Variants in UGGT1 observed in about 807,000 individuals in gnomAD.
UGGT1 encodes the protein UDP-glucose glycoprotein glucosyltransferase 1.
A neutral mutation model predicts 203.9 loss-of-function variants in UGGT1; 107 were observed. That is an observed-to-expected ratio of 0.52 (90% CI 0.45 to 0.62). UGGT1 has a LOEUF of 0.62. Among genes scored for constraint, UGGT1 ranks in the 20% least tolerant of loss-of-function variants. The pLI is 0.00. For synonymous variants in UGGT1, 628 were observed against 653.5 expected (o/e 0.96, Z 0.59); for missense variants, 1,673 against 1,867.2 (o/e 0.90, Z 1.92).
intron 25 of UGGT1, among the ~76,000 whole-genome samples, chr2:128,163,723 A>AG (rs1190684064): frequency 6.6e-6 from 1 of 152,036 alleles, no homozygotes; most frequent in Non-Finnish European, 1.5e-5. Context: ...CAAAAAAAAA[A>AG]AAATTAATTT....
chr2:128,175,815 T>G (rs2104798038), intron 31 of UGGT1, among the ~76,000 whole-genome samples: 1 of 152,302 alleles, frequency 6.6e-6, no homozygotes, highest in South Asian at 2.1e-4. Context: ...CATTAGAATC[T>G]TCCTTTGCCT....
intron 3 of UGGT1, among the ~76,000 whole-genome samples, chr2:128,104,481 T>C (rs956119680): frequency 3.3e-5 from 5 of 152,242 alleles, no homozygotes; most frequent in African/African-American, 1.2e-4. Flanking sequence ...AATGAATGAT[T>C]ATCCTGTAAA....
At chr2:128,113,369 CT>C in intron 6 of UGGT1, 111 bp downstream of exon 6, 2 of 935,810 alleles carry the variant, frequency 2.1e-6, no homozygotes, top group Non-Finnish European at 3.0e-6. Flanking sequence ...ATTTGAATCC[CT>C]TTTTTGACAA....
At position 128,134,939 on chromosome 2, in the gene UGGT1, C is replaced by G. The variant is rs776577676; in HGVS notation, c.1561C>G (p.Leu521Val). Residue 521 changes from leucine to valine, a missense_variant, in exon 15 of 41, where the codon CTT (leucine) becomes GTT (valine). Around this residue, in one of 4 missense-constraint regions of UGGT1, gnomAD observed 1,073 missense variants for 1,078.7 expected, o/e 0.99. Coordinates refer to ENST00000259253, the MANE Select transcript of UGGT1 (RefSeq NM_020120.4). ...GTTGATGAACACAGCTGAGATGTTC[C>G]TTAGTAATCATATACCACTAAGGTA... is the stretch of plus-strand genomic sequence containing the variant. The part of the protein sequence containing the change: ...AELMNTAEMF[L>V]SNHIPLRIGF... The G allele has an allele frequency of 8.1e-6, 13 of 1,613,732 alleles. No individual in the cohort carries two copies. In the South Asian group the frequency reaches 1.4e-4, roughly 18 times the overall value.
At chr2:128,100,762 TC>T (rs1292779768) in intron 2 of UGGT1, among the ~76,000 whole-genome samples, 3 of 152,160 alleles carry the variant, frequency 2.0e-5, no homozygotes, top group Non-Finnish European at 4.4e-5. Context: ...TTTGTTACTT[TC>T]ACTTTTATTT....
chr2:128,155,384 C>T (rs938842825), intron 19 of UGGT1, 105 bp from the exon 20 acceptor site: 36 of 818,362 alleles, frequency 4.4e-5, no homozygotes, highest in South Asian at 3.9e-4. Context: ...ACTTCACTCA[C>T]GCATTTCTAT....
intron 16 of UGGT1, chr2:128,140,368 G>A (rs1573559336): frequency 6.5e-6 from 1 of 153,168 alleles, no homozygotes; most frequent in South Asian, 2.1e-4. Flanking sequence ...CATCTAGTAG[G>A]AGAACTTGTC....
chr2:128,099,465 A>G (rs1346105733), intron 2 of UGGT1, among the ~76,000 whole-genome samples: 1 of 152,066 alleles, frequency 6.6e-6, no homozygotes, highest in African/African-American at 2.4e-5. Context: ...GTATTCTAAC[A>G]TTTTCCCCTT....
At position 128,129,025 on chromosome 2, in the gene UGGT1, C is replaced by T; in HGVS notation, c.1227-4C>T. The T allele has an allele frequency of 1.3e-6, 2 of 1,560,816 alleles. No individual in the cohort carries two copies. The highest frequency in any genetic ancestry group is 1.7e-6 in the Non-Finnish European group (2 of 1,159,544). On this transcript the variant is annotated splice_region_variant and splice_polypyrimidine_tract_variant and intron_variant, in intron 12 of 40. Coordinates refer to ENST00000259253, the MANE Select transcript of UGGT1 (RefSeq NM_020120.4). ...TAAATATCTCTTTTTGTTTTTCCCC[C>T]CAGTCTGTTTGATGTGTTGAGGAAT... is the stretch of plus-strand genomic sequence containing the variant.
At chr2:128,098,817 G>A (rs1406510475) in intron 2 of UGGT1, among the ~76,000 whole-genome samples, 1 of 120,990 alleles carries the variant, frequency 8.3e-6, no homozygotes. Context: ...TAAAACAATA[G>A]TTGTCTTAAA....
At chr2:128,160,147 A>G (rs1690452811) in intron 23 of UGGT1, among the ~76,000 whole-genome samples, 1 of 152,194 alleles carries the variant, frequency 6.6e-6, no homozygotes, top group South Asian at 2.1e-4. Flanking sequence ...TGATGAGTAT[A>G]TACTATTTGA....
At chr2:128,155,261 T>C (rs1186516967) in intron 19 of UGGT1, among the ~76,000 whole-genome samples, 1 of 152,192 alleles carries the variant, frequency 6.6e-6, no homozygotes, top group Non-Finnish European at 1.5e-5. Flanking sequence ...CATACTTATA[T>C]GATAGCTGTG....
In UGGT1 at chr2:128,146,136, C is replaced by A. The variant is rs138755324; in HGVS notation, c.2016+169C>A. The stretch of plus-strand genomic sequence containing the variant: ...CCAACCTGGGCAATATGGCAAGACC[C>A]CATTTCTAAAAAAGAAATTAAAAAA... On this transcript the variant is annotated intron_variant, in intron 18 of 40. Coordinates refer to ENST00000259253, the MANE Select transcript of UGGT1 (RefSeq NM_020120.4). Among the ~76,000 whole-genome samples the A allele has an allele frequency of 4.4e-3, 672 of 152,034 alleles. 2 individuals carry two copies. Among genetic ancestry groups the A allele is most frequent in the African/African-American group, 0.015 (638 of 41,472 alleles).
chr2:128,182,900 G>A lies in UGGT1; in HGVS notation c.4244+610G>A, dbSNP rs1014024063. 3.3e-5 allele frequency among the ~76,000 whole-genome samples: 4 copies of A among 121,192 alleles called. No individual in the cohort carries two copies. The Admixed American group carries it at 3.3e-4, about 10-fold the overall frequency. The allele number at this position is 121,192 out of a possible 152,430, so 79.5% of individuals were successfully genotyped here. On this transcript the variant is annotated intron_variant, in intron 37 of 40. Transcript: ENST00000259253. ...AATATGCTACCTATTTATACATTTTGTAACTTGGCTTTTTTTTTTTTTTTT... is the reference window on the plus strand; with the variant it reads ...AATATGCTACCTATTTATACATTTTATAACTTGGCTTTTTTTTTTTTTTTT...
intron 1 of UGGT1, among the ~76,000 whole-genome samples, chr2:128,094,937 C>T (rs939769644): frequency 2.0e-5 from 3 of 151,740 alleles, no homozygotes; most frequent in South Asian, 2.1e-4. Flanking sequence ...TTAGTAGAGA[C>T]GGGGTTTCAC....
At chr2:128,160,964 C>T (rs6430995) in intron 24 of UGGT1, among the ~76,000 whole-genome samples, 174 bp from the exon 25 acceptor site, 103,852 of 152,120 alleles carry the variant, frequency 0.68, 37,208 homozygotes, top group African/African-American at 0.91. Flanking sequence ...CAAGTATTTG[C>T]TTTGGGCTTC....
rs1440500931 is a variant in UGGT1, at chr2:128,129,082, T to G, written c.1280T>G (p.Leu427Trp). 9 of 1,613,908 alleles carry G rather than the reference T, an allele frequency of 5.6e-6. No individual in the cohort carries two copies. Among genetic ancestry groups the G allele is most frequent in the Non-Finnish European group, 7.6e-6 (9 of 1,179,996 alleles). Residue 427 changes from leucine (L) to tryptophan (W), a missense_variant, in exon 13 of 41, where the codon TTG becomes TGG. Physicochemically the swap from Leu to Trp is moderately conservative, Grantham distance 61 (BLOSUM62 -2). Transcript: ENST00000259253. ...CGGGTAATGGAGGGTCTGCATAGAT[T>G]GGGAATAGAAGGCCTTTCTCTGCAT... ...EARVMEGLHRLGIEGLSLHNV... is the reference protein window; with the variant it reads ...EARVMEGLHRWGIEGLSLHNV...
rs772520798 is a variant in UGGT1, at chr2:128,138,865, T to G, written c.1719+13T>G. On this transcript the variant is annotated intron_variant, in intron 16 of 40. Coordinates refer to ENST00000259253, the MANE Select transcript of UGGT1 (RefSeq NM_020120.4). ...GACTCTGACACATGTACGTTTTTGTTCAGAATGGCAAATAATTTTTTCAGA... is the reference window on the plus strand; with the variant it reads ...GACTCTGACACATGTACGTTTTTGTGCAGAATGGCAAATAATTTTTTCAGA... 5 of 1,611,342 alleles carry G rather than the reference T, an allele frequency of 3.1e-6. 1 individual carries two copies. The South Asian group carries it at 5.5e-5, about 18-fold the overall frequency.
At position 128,145,846 on chromosome 2, in the gene UGGT1, C is replaced by T; in HGVS notation, c.1895C>T (p.Pro632Leu). 6.2e-7 allele frequency: 1 copy of T among 1,612,922 alleles called. No homozygotes were observed. The highest frequency in any genetic ancestry group is 8.5e-7 in the Non-Finnish European group (1 of 1,179,272). ...YYEQTGVGPL[P>L]VVLFNGMPFE... ...GAGCAGACTGGAGTTGGACCTCTGCCCGTTGTGCTGTTCAATGGAATGCCC... is the reference window on the plus strand; with the variant it reads ...GAGCAGACTGGAGTTGGACCTCTGCTCGTTGTGCTGTTCAATGGAATGCCC... The change falls in exon 18 of 41, where the codon CCC (proline) becomes CTC (leucine). Residue 632 changes from proline (P) to leucine (L), a missense_variant. Around this residue, in one of 4 missense-constraint regions of UGGT1, gnomAD observed 1,073 missense variants for 1,078.7 expected, o/e 0.99. Coordinates refer to ENST00000259253, the MANE Select transcript of UGGT1 (RefSeq NM_020120.4).
Sources: gnomAD v4.1 joint callset for allele counts (sites outside exome capture counted in the v4.1 genomes callset) on GRCh38, gnomAD v4.1.1 for gene constraint, gnomAD v4.1.1 regional missense constraint, MANE v1.5 for transcripts, NCBI Gene and HGNC (gene_info 2026-07-23, HGNC 2026-07-21) for gene names.